Variants in SAMSN1 observed in about 807,000 individuals in gnomAD.
SAMSN1 encodes SAM domain, SH3 domain and nuclear localization signals 1.
Under a neutral mutation model 42.0 loss-of-function variants are expected in SAMSN1, and 31 were observed. That is an observed-to-expected ratio of 0.74 (90% confidence interval 0.55 to 1.00). SAMSN1 has a LOEUF of 1.00. Ranked by LOEUF, SAMSN1 falls within the 50% of genes least tolerant of loss-of-function variation. The probability of loss-of-function intolerance (pLI) is 0.00; values close to 1 mark genes in which losing one functional copy is unlikely to be tolerated. For missense variants in SAMSN1, 464 were observed against 439.4 expected, an observed-to-expected ratio of 1.06 and a Z score of -0.50; for synonymous variants, 178 against 151.9, an observed-to-expected ratio of 1.17 and a Z score of -1.26.
chr21:14,487,613 T>G (rs577132284), intron 7 of SAMSN1, among the ~76,000 whole-genome samples: 16 of 152,162 alleles, frequency 1.1e-4, no homozygotes, highest in Non-Finnish European at 2.2e-4. Flanking sequence ...AAATACTGGT[T>G]GAGAAAGGCT....
rs573020225 is a variant in SAMSN1 at position 14,486,375 on chromosome 21, C to T, written c.920-261G>A. On this transcript the variant is annotated intron_variant, in intron 7 of 7. Coordinates refer to ENST00000400566, the MANE Select transcript of SAMSN1 (RefSeq NM_022136.5). ...TTTCATGGAATTCATGTGAACTTCCCGCATCAGCAAAGATCAATATGGACT... is the reference window on the plus strand; with the variant it reads ...TTTCATGGAATTCATGTGAACTTCCTGCATCAGCAAAGATCAATATGGACT... Among the ~76,000 whole-genome samples the T allele has an allele frequency of 4.6e-5, 7 of 152,150 alleles. No homozygotes were observed. In the South Asian group the frequency reaches 6.2e-4, roughly 14 times the overall value.
At chr21:14,532,631 G>A (rs1190135097) in intron 1 of SAMSN1, among the ~76,000 whole-genome samples, 2 of 152,122 alleles carry the variant, frequency 1.3e-5, no homozygotes, top group African/African-American at 2.4e-5. Context: ...GACCTATAAT[G>A]TAATGTTCAA....
chr21:14,564,091 T>C (rs1981030636), intron 2 of SAMSN1, among the ~76,000 whole-genome samples: 1 of 152,190 alleles, frequency 6.6e-6, no homozygotes, highest in African/African-American at 2.4e-5. Context: ...TTTAAAAGTC[T>C]GATTTGCTTA....
chr21:14,623,063 C>G (rs1050058295), intron 2 of SAMSN1, among the ~76,000 whole-genome samples: 7 of 152,122 alleles, frequency 4.6e-5, no homozygotes, highest in Admixed American at 3.9e-4. Context: ...TACAGACAAG[C>G]AAATGCTGAG....
In SAMSN1 at chr21:14,640,866, A is replaced by C. The variant is rs970158010; in HGVS notation, c.156+2136T>G. ...CATATATTTTTAATTAAATGCTGAG[A>C]AATTACAGAGAAAGACAGAGCTATA... is the stretch of plus-strand genomic sequence containing the variant. On this transcript the variant is annotated intron_variant, in intron 2 of 15. Transcript: ENST00000647101. Among the ~76,000 whole-genome samples, 5 of 152,128 alleles carry C rather than the reference A, an allele frequency of 3.3e-5. No homozygotes were observed. In the East Asian group the frequency reaches 7.7e-4, roughly 23 times the overall value.
intron 3 of SAMSN1, among the ~76,000 whole-genome samples, chr21:14,613,219 C>A (rs568808508): frequency 6.6e-6 from 1 of 152,134 alleles, no homozygotes; most frequent in East Asian, 1.9e-4. Flanking sequence ...GGGGGAAGTG[C>A]TTTTGCAAAT....
rs1334524298 is a variant in SAMSN1, at chr21:14,546,149, G to A, written c.57+56C>T. The A allele has an allele frequency of 2.7e-6, 4 of 1,467,608 alleles. No homozygotes were observed. The Admixed American group carries it at 6.8e-5, about 25-fold the overall frequency. 90.9% of individuals were successfully genotyped at this position (1,467,608 alleles called of 1,614,324 possible). On this transcript the variant is annotated intron_variant, in intron 1 of 7. Coordinates refer to ENST00000400566, the MANE Select transcript of SAMSN1 (RefSeq NM_022136.5). ...TGTATGTGTTCAAACACACATATGTGTTTATTTTCTATTAAATAGTTTGAT... is the reference window on the plus strand; with the variant it reads ...TGTATGTGTTCAAACACACATATGTATTTATTTTCTATTAAATAGTTTGAT...
At chr21:14,545,571 C>G (rs1487628707) in intron 1 of SAMSN1, among the ~76,000 whole-genome samples, 2 of 151,572 alleles carry the variant, frequency 1.3e-5, no homozygotes, top group African/African-American at 4.9e-5. Flanking sequence ...ATTGCCAAGA[C>G]AAAGAACAGA....
In SAMSN1 at chr21:14,499,680, T is replaced by C. The variant is rs192626108; in HGVS notation, c.768+849A>G. Among the ~76,000 whole-genome samples, 499 of 152,186 alleles carry C rather than the reference T, an allele frequency of 3.3e-3. 3 individuals carry two copies. Among genetic ancestry groups the C allele is most frequent in the Non-Finnish European group, 5.2e-3 (353 of 67,986 alleles). ...CTTGGTTTTCTCACAGGTCACACAA[T>C]GAACAAGATTCAGAGGCAAGATGCT... On this transcript the variant is annotated intron_variant, in intron 6 of 7. Coordinates refer to ENST00000400566, the MANE Select transcript of SAMSN1 (RefSeq NM_022136.5).
intron 3 of SAMSN1, among the ~76,000 whole-genome samples, chr21:14,613,851 T>C (rs866648748): frequency 6.6e-6 from 1 of 152,146 alleles, no homozygotes; most frequent in Middle Eastern, 3.4e-3. Context: ...TTATATATAT[T>C]TGAATCTTAT....
intron 2 of SAMSN1, among the ~76,000 whole-genome samples, chr21:14,577,183 G>A (rs1187122638): frequency 1.6e-5 from 2 of 127,236 alleles, no homozygotes; most frequent in Non-Finnish European, 3.2e-5. Context: ...AGCCTCTCGA[G>A]TAGCTGGGAT....
At chr21:14,618,830 C>T (rs1982926326) in intron 2 of SAMSN1, among the ~76,000 whole-genome samples, 1 of 152,174 alleles carries the variant, frequency 6.6e-6, no homozygotes, top group Admixed American at 6.5e-5. Context: ...CTGGGTAAAA[C>T]TTACTCCTGT....
intron 1 of SAMSN1, among the ~76,000 whole-genome samples, chr21:14,644,094 A>G (rs1568841820): frequency 1.3e-5 from 2 of 152,244 alleles, no homozygotes; most frequent in South Asian, 4.1e-4. Flanking sequence ...GCAGTCTAGA[A>G]CACAAGGACT....
chr21:14,546,167 A>C, intron 1 of SAMSN1, 38 bp downstream of exon 1: 1 of 1,543,730 alleles, frequency 6.5e-7, no homozygotes, highest in Non-Finnish European at 8.9e-7. Context: ...TCTATTAAAT[A>C]GTTTGATTTT....
intron 2 of SAMSN1, among the ~76,000 whole-genome samples, chr21:14,555,294 C>A (rs1980729289): frequency 6.6e-6 from 1 of 152,168 alleles, no homozygotes; most frequent in Non-Finnish European, 1.5e-5. Context: ...TCTCCCAAAT[C>A]TCTTTGTCTC....
chr21:14,542,285 A>T (rs922453266), intron 1 of SAMSN1, among the ~76,000 whole-genome samples: 1 of 152,208 alleles, frequency 6.6e-6, no homozygotes, highest in Non-Finnish European at 1.5e-5. Flanking sequence ...GGAAATTAAC[A>T]TATTTCATGT....
Position 14,500,555 on chromosome 21 carries a change from C to T in SAMSN1, c.742G>A (p.Glu248Lys). Residue 248 changes from glutamate (E) to lysine (K), a missense_variant, in exon 6 of 8, where the codon GAG (glutamate) becomes AAG (lysine). By Grantham distance (56) the Glu-to-Lys change is moderately conservative. Transcript: ENST00000400566. ...TGCAGATGAATCCTCTCTAGGAACTCCTGCAGAGTCTTGGATTTTTTGCTG... is the reference window on the plus strand; with the variant it reads ...TGCAGATGAATCCTCTCTAGGAACTTCTGCAGAGTCTTGGATTTTTTGCTG... ...SNSKKSKTLQEFLERIHLQEY... is the reference protein window; with the variant it reads ...SNSKKSKTLQKFLERIHLQEY... 6.2e-7 allele frequency: 1 copy of T among 1,614,092 alleles called. No individual in the cohort carries two copies. Among genetic ancestry groups the T allele is most frequent in the Non-Finnish European group, 8.5e-7 (1 of 1,179,990 alleles).
chr21:14,502,405 G>A (rs1419615592), intron 5 of SAMSN1, among the ~76,000 whole-genome samples: 2 of 152,136 alleles, frequency 1.3e-5, no homozygotes, highest in Non-Finnish European at 2.9e-5. Context: ...TTGTAAATTT[G>A]CAACTTTATC....
chr21:14,510,402 C>A lies in SAMSN1; in HGVS notation c.469G>T (p.Asp157Tyr), dbSNP rs760968832. 6.2e-7 allele frequency: 1 copy of A among 1,614,150 alleles called. No homozygotes were observed. Among genetic ancestry groups the A allele is most frequent in the South Asian group, 1.1e-5 (1 of 91,082 alleles). Residue 157 changes from aspartate (D) to tyrosine (Y), a missense_variant, in exon 5 of 8, where the codon GAT (aspartate) becomes TAT (tyrosine). Physicochemically the swap from Asp to Tyr is radical, Grantham distance 160. Coordinates refer to ENST00000400566, the MANE Select transcript of SAMSN1 (RefSeq NM_022136.5). ...SNRDSFRLDD[D>Y]GPYSGPFCGR... ...CAGAATGGTCCTGAATAGGGGCCAT[C>A]GTCATCCAGTCGAAAGCTGTCCCGG...
Sources: allele counts gnomAD v4.1 joint callset (sites outside exome capture counted in the v4.1 genomes callset), GRCh38; gene constraint gnomAD v4.1.1; transcripts MANE v1.5; gene names NCBI Gene and HGNC (gene_info 2026-07-23, HGNC 2026-07-21).